The following COL25A1 variants were observed in gnomAD, a reference collection of about 807,000 sequenced individuals.
The protein encoded by COL25A1 is collagen alpha-1(XXV) chain.
In COL25A1, 103 loss-of-function variants were observed where a neutral mutation model predicts 128.4. The ratio of observed to expected loss-of-function variants is 0.80; its 90% confidence interval spans 0.68 to 0.94. COL25A1 has a LOEUF of 0.94. Ranked by LOEUF, COL25A1 falls within the 40% of genes least tolerant of loss-of-function variation. The probability of loss-of-function intolerance (pLI) is 0.00; values close to 1 mark genes in which losing one functional copy is unlikely to be tolerated. For synonymous variants in COL25A1, 279 were observed against 277.2 expected, an observed-to-expected ratio of 1.01 and a Z score of -0.06; for missense variants, 745 against 840.0, an observed-to-expected ratio of 0.89 and a Z score of 1.40.
intron 13 of COL25A1, among the ~76,000 whole-genome samples, chr4:108,913,433 T>G (rs1744497655): frequency 6.6e-6 from 1 of 151,916 alleles, no homozygotes; most frequent in African/African-American, 2.4e-5. Context: ...TGATTTTGTA[T>G]TTTTAGTACA....
chr4:109,178,938 C>T (rs2704101), intron 3 of COL25A1, among the ~76,000 whole-genome samples: 18,884 of 151,176 alleles, frequency 0.12, 2,407 homozygotes, highest in African/African-American at 0.32. Flanking sequence ...TATATAAAAG[C>T]GCCTTTGTGA....
At chr4:108,900,412 G>C (rs1365667564) in intron 14 of COL25A1, among the ~76,000 whole-genome samples, 1 of 152,150 alleles carries the variant, frequency 6.6e-6, no homozygotes. Context: ...GCATCTGTGG[G>C]TACGAATACA....
chr4:109,233,638 C>T (rs1779292113), intron 3 of COL25A1, among the ~76,000 whole-genome samples: 1 of 152,076 alleles, frequency 6.6e-6, no homozygotes, highest in South Asian at 2.1e-4. Context: ...TCAATTTATT[C>T]ATCATGTAGG....
intron 3 of COL25A1, among the ~76,000 whole-genome samples, chr4:109,079,374 AT>A (rs1372553572): frequency 1.3e-5 from 2 of 152,162 alleles, no homozygotes; most frequent in Non-Finnish European, 2.9e-5. Flanking sequence ...TTAACTGAAA[AT>A]TTTTTATAGC....
intron 3 of COL25A1, among the ~76,000 whole-genome samples, chr4:109,285,112 G>T (rs1723750068): frequency 1.3e-5 from 2 of 151,976 alleles, no homozygotes; most frequent in Admixed American, 1.3e-4. Context: ...ATTTAAGAAA[G>T]AAATAGATGA....
chr4:109,180,831 A>G (rs1046289471), intron 3 of COL25A1, among the ~76,000 whole-genome samples: 3 of 152,210 alleles, frequency 2.0e-5, no homozygotes, highest in Non-Finnish European at 4.4e-5. Context: ...TTCAATGAAA[A>G]GATTAAATAT....
intron 6 of COL25A1, among the ~76,000 whole-genome samples, chr4:108,987,517 G>C: frequency 6.6e-6 from 1 of 152,170 alleles, no homozygotes; most frequent in Middle Eastern, 3.4e-3. Context: ...CGGGATTACA[G>C]ATGCCCACCA....
intron 5 of COL25A1, among the ~76,000 whole-genome samples, chr4:109,028,793 G>A (rs1758562777): frequency 6.6e-6 from 1 of 152,114 alleles, no homozygotes; most frequent in Admixed American, 6.5e-5. Context: ...GAGGAGTGGT[G>A]AGTAAGGTAG....
intron 3 of COL25A1, among the ~76,000 whole-genome samples, chr4:109,054,348 G>C (rs1761264484): frequency 6.6e-6 from 1 of 152,118 alleles, no homozygotes; most frequent in African/African-American, 2.4e-5. Flanking sequence ...ATTTTAATCT[G>C]CTATCTGGTA....
chr4:109,238,945 G>A (rs1779648700), intron 3 of COL25A1, among the ~76,000 whole-genome samples: 1 of 151,992 alleles, frequency 6.6e-6, no homozygotes, highest in African/African-American at 2.4e-5. Flanking sequence ...GGAGAGTAGA[G>A]GTAGCCACTT....
At chr4:109,033,222 T>C (rs572334942) in intron 5 of COL25A1, among the ~76,000 whole-genome samples, 2 of 152,296 alleles carry the variant, frequency 1.3e-5, no homozygotes, top group Admixed American at 1.3e-4. Flanking sequence ...AAAGAGTGTA[T>C]AGGTGTATGA....
chr4:108,985,910 C>T (rs1753623778), intron 6 of COL25A1, among the ~76,000 whole-genome samples: 1 of 152,174 alleles, frequency 6.6e-6, no homozygotes, highest in African/African-American at 2.4e-5. Flanking sequence ...AGCTCAAATT[C>T]AACATTCTCA....
At chr4:108,943,722 T>A (rs973267929) in intron 8 of COL25A1, among the ~76,000 whole-genome samples, 1 of 151,986 alleles carries the variant, frequency 6.6e-6, no homozygotes, top group Non-Finnish European at 1.5e-5. Flanking sequence ...TAACTCCTCC[T>A]CCCAGGCGTT....
rs552749006 is a variant in COL25A1, at chr4:108,958,014, A to G, written c.492+16353T>C. Among the ~76,000 whole-genome samples the G allele has an allele frequency of 2.0e-5, 3 of 152,318 alleles. No homozygotes were observed. The East Asian group carries it at 5.8e-4, about 29-fold the overall frequency. On this transcript the variant is annotated intron_variant, in intron 8 of 37. Coordinates refer to ENST00000399132, the MANE Select transcript of COL25A1 (RefSeq NM_198721.4). Reference sequence around the variant, plus strand: ...TCAACTCTTTCCCATAAAAGGAAATATAATCTACCATATAGGATTCTATTT... The same window carrying G: ...TCAACTCTTTCCCATAAAAGGAAATGTAATCTACCATATAGGATTCTATTT...
chr4:109,125,782 A>G (rs1768539898), intron 3 of COL25A1, among the ~76,000 whole-genome samples: 2 of 152,306 alleles, frequency 1.3e-5, no homozygotes, highest in South Asian at 2.1e-4. Flanking sequence ...CCACACTGGA[A>G]GCCCGAGGGA....
intron 37 of COL25A1, among the ~76,000 whole-genome samples, chr4:108,816,412 T>C (rs1290931042): frequency 6.6e-6 from 1 of 152,174 alleles, no homozygotes; most frequent in Non-Finnish European, 1.5e-5. Flanking sequence ...AGCCACAAGG[T>C]GCTGGAGAAA....
chr4:108,993,186 C>G (rs897135979), intron 6 of COL25A1, among the ~76,000 whole-genome samples: 1 of 152,180 alleles, frequency 6.6e-6, no homozygotes, highest in East Asian at 1.9e-4. Context: ...CACACTCCCA[C>G]CCCAAACCCT....
chr4:109,145,944 C>T (rs939524240), intron 3 of COL25A1, among the ~76,000 whole-genome samples: 4 of 152,174 alleles, frequency 2.6e-5, no homozygotes, highest in Non-Finnish European at 5.9e-5. Context: ...TATCTCCATG[C>T]TACAGTAATA....
chr4:108,936,911 C>T (rs1000431239), intron 11 of COL25A1, among the ~76,000 whole-genome samples: 3 of 151,410 alleles, frequency 2.0e-5, no homozygotes, highest in African/African-American at 7.3e-5. Context: ...TCCCAAAGTG[C>T]TAAGATTACA....
Sources: gnomAD v4.1 joint callset for allele counts (sites outside exome capture counted in the v4.1 genomes callset) on GRCh38, gnomAD v4.1.1 for gene constraint, MANE v1.5 for transcripts, NCBI Gene and HGNC (gene_info 2026-07-23, HGNC 2026-07-21) for gene names.